ANKRD17: variants seen among roughly 807,000 people sequenced by gnomAD.
The protein encoded by ANKRD17 is ankyrin repeat domain-containing protein 17.
In ANKRD17, 19 loss-of-function variants were observed where a neutral mutation model predicts 229.7. That is an observed-to-expected ratio of 0.08 (90% CI 0.06 to 0.12). ANKRD17 has a LOEUF of 0.12. Ranked by LOEUF, ANKRD17 falls within the 10% of genes least tolerant of loss-of-function variation. The pLI is 1.00. For synonymous variants in ANKRD17, 1,112 were observed against 1,146.1 expected (o/e 0.97, Z 0.60); for missense variants, 2,176 against 3,176.8 (o/e 0.68, Z 7.57).
At position 73,258,432 on chromosome 4, in the gene ANKRD17, A is replaced by G; in HGVS notation, c.237T>C (p.Thr79=). The G allele has an allele frequency of 6.2e-7, 1 of 1,609,352 alleles. No individual in the cohort carries two copies. The highest frequency in any genetic ancestry group is 8.5e-7 in the Non-Finnish European group (1 of 1,178,988). ...QQHHKAKRNR[T]CRPPSSSESS... ...TTTCGCTGCTGCTGGGGGGTCGGCAAGTCCGGTTACGCTTGGCCTTGTGGT... is the reference window on the plus strand; with the variant it reads ...TTTCGCTGCTGCTGGGGGGTCGGCAGGTCCGGTTACGCTTGGCCTTGTGGT... Residue 79 remains threonine (T), a synonymous_variant, in exon 1 of 34, where the codon ACT becomes ACC. Coordinates refer to ENST00000358602, the MANE Select transcript of ANKRD17 (RefSeq NM_032217.5).
chr4:73,139,563 G>T lies in ANKRD17; in HGVS notation c.3053C>A (p.Thr1018Asn). The change falls in exon 15 of 34, where the codon ACC becomes AAC. Residue 1018 changes from threonine to asparagine, a missense_variant. Coordinates refer to ENST00000358602, the MANE Select transcript of ANKRD17 (RefSeq NM_032217.5). ...QGLMVASPAQ[T>N]LNDTLDDIMA... ...GATGTCATCCAGCGTGTCATTGAGGGTCTGAGCAGGGCTGGCTACCATTAA... is the reference window on the plus strand; with the variant it reads ...GATGTCATCCAGCGTGTCATTGAGGTTCTGAGCAGGGCTGGCTACCATTAA... The T allele has an allele frequency of 1.9e-6, 3 of 1,614,020 alleles. No homozygotes were observed. The highest frequency in any genetic ancestry group is 2.5e-6 in the Non-Finnish European group (3 of 1,179,924).
chr4:73,234,310 A>G (rs1267674757), intron 1 of ANKRD17, among the ~76,000 whole-genome samples: 1 of 152,222 alleles, frequency 6.6e-6, no homozygotes, highest in Non-Finnish European at 1.5e-5. Flanking sequence ...TTTAAATGCA[A>G]CTATGATTAA....
rs112097432 is a variant in ANKRD17, at chr4:73,212,863, CA to C, written c.394-35331del. Among the ~76,000 whole-genome samples, 853 of 129,618 alleles carry C rather than the reference CA, an allele frequency of 6.6e-3. 4 individuals are homozygous for C. The highest frequency in any genetic ancestry group is 0.016 in the African/African-American group (575 of 35,490). The allele number at this position is 129,618 out of a possible 152,430, so 85.0% of individuals were successfully genotyped here. On this transcript the variant is annotated intron_variant, in intron 1 of 33. Transcript: ENST00000358602. ...AAACCCCGTCTCTACTAAAAAAATACAAAAAAAAAAAAAATTAGCGCAGAGT... is the reference window on the plus strand; with the variant it reads ...AAACCCCGTCTCTACTAAAAAAATACAAAAAAAAAAAAATTAGCGCAGAGT...
At chr4:73,105,993 A>T (rs1296973228) in intron 24 of ANKRD17, among the ~76,000 whole-genome samples, 1 of 152,220 alleles carries the variant, frequency 6.6e-6, no homozygotes, top group East Asian at 1.9e-4. Context: ...CCAGAGGCAT[A>T]AGAAAATAAA....
At chr4:73,161,494 T>C (rs1419473489) in intron 2 of ANKRD17, 146 bp from the exon 3 acceptor site, 1 of 775,388 alleles carries the variant, frequency 1.3e-6, no homozygotes, top group Non-Finnish European at 2.0e-6. Context: ...CAGCATCTTT[T>C]GAGAAATCAC....
chr4:73,117,665 GATTT>G (rs1195242850), intron 22 of ANKRD17, among the ~76,000 whole-genome samples: 3 of 152,128 alleles, frequency 2.0e-5, no homozygotes, highest in Non-Finnish European at 2.9e-5. Context: ...AGCTTATTGT[GATTT>G]ATTTATTAAA....
At chr4:73,168,025 G>T (rs1272598572) in intron 2 of ANKRD17, among the ~76,000 whole-genome samples, 1 of 152,006 alleles carries the variant, frequency 6.6e-6, no homozygotes, top group South Asian at 2.1e-4. Flanking sequence ...GGTGGCAGAC[G>T]CCTGTAGTCC....
intron 1 of ANKRD17, among the ~76,000 whole-genome samples, chr4:73,255,024 T>A (rs771164469): frequency 1.3e-5 from 2 of 152,200 alleles, no homozygotes; most frequent in Non-Finnish European, 2.9e-5. Flanking sequence ...AAATTATGCA[T>A]TTTCAATTTT....
rs201666060 is a variant in ANKRD17 at position 73,078,875 on chromosome 4, G to A, written c.7175C>T (p.Ser2392Leu). 70 of 1,613,922 alleles carry A rather than the reference G, an allele frequency of 4.3e-5. No individual in the cohort carries two copies. The highest frequency in any genetic ancestry group is 1.6e-4 in the Middle Eastern group (1 of 6,080). ...SSASNDSSAQ[S>L]VSSGVRAPSP... ...TGGTGCACGAACTCCCGAGGATACT[G>A]ACTGTGCAGAAGAATCTAGAGAAGA... is the stretch of plus-strand genomic sequence containing the variant. Residue 2392 changes from serine to leucine, a missense_variant, in exon 31 of 34, where the codon TCA (serine) becomes TTA (leucine). Transcript: ENST00000358602.
At chr4:73,248,513 A>G (rs1036218636) in intron 1 of ANKRD17, among the ~76,000 whole-genome samples, 2 of 151,960 alleles carry the variant, frequency 1.3e-5, no homozygotes, top group African/African-American at 4.8e-5. Context: ...AAACCCTTAT[A>G]ATACCTAGGT....
In ANKRD17 at chr4:73,235,866, CTTTTT is replaced by C. The variant is rs529645343; in HGVS notation, c.393+22405_393+22409del. Among the ~76,000 whole-genome samples, 1,176 of 144,290 alleles carry C rather than the reference CTTTTT, an allele frequency of 8.2e-3. 4 individuals carry two copies. The highest frequency in any genetic ancestry group is 0.011 in the Non-Finnish European group (687 of 65,214). The allele number at this position is 144,290 out of a possible 152,430, so 94.7% of individuals were successfully genotyped here. A position where few individuals can be genotyped will look rare whatever the true frequency, so the allele number is the denominator to read the frequency against. ...GGTTCGTAATGATTTAAAATTTTTT[CTTTTT>C]TTTTTTGGTTTTAATAGAGACAGGG... On this transcript the variant is annotated intron_variant, in intron 1 of 33. Transcript: ENST00000358602.
Position 73,161,447 on chromosome 4 carries a change from C to A in ANKRD17, c.548-99G>T, listed in dbSNP as rs1170158834. On this transcript the variant is annotated intron_variant, in intron 2 of 33. Coordinates refer to ENST00000358602, the MANE Select transcript of ANKRD17 (RefSeq NM_032217.5). ...CTATACTGTGTATGTTAACAAATAA[C>A]CTCCAAATGGTAGAGTAGACATATA... 4.1e-6 allele frequency: 5 copies of A among 1,226,196 alleles called. No homozygotes were observed. In the East Asian group the frequency reaches 7.2e-5, roughly 18 times the overall value. 76.0% of individuals were successfully genotyped at this position (1,226,196 alleles called of 1,614,324 possible).
chr4:73,076,883 G>T, intron 33 of ANKRD17, 57 bp downstream of exon 33: 2 of 1,531,950 alleles, frequency 1.3e-6, no homozygotes, highest in East Asian at 2.3e-5. Context: ...AATCCTATTT[G>T]TCTTTGCATT....
chr4:73,257,890 A>G (rs1054543323), intron 1 of ANKRD17, among the ~76,000 whole-genome samples: 1 of 151,610 alleles, frequency 6.6e-6, no homozygotes, highest in Non-Finnish European at 1.5e-5. Context: ...TTTACCCATT[A>G]TTTTACTCCT....
At chr4:73,141,706 C>T in intron 14 of ANKRD17, 35 bp downstream of exon 14, 9 of 1,570,468 alleles carry the variant, frequency 5.7e-6, no homozygotes, top group Non-Finnish European at 7.9e-6. Flanking sequence ...TACCTGGACA[C>T]CAAGTAAGAA....
chr4:73,092,465 T>C (rs1722885296), intron 28 of ANKRD17, among the ~76,000 whole-genome samples, 165 bp from the exon 29 acceptor site: 1 of 152,210 alleles, frequency 6.6e-6, no homozygotes, highest in African/African-American at 2.4e-5. Context: ...AGCAATTTTC[T>C]TACCATTCCT....
At chr4:73,186,695 A>G (rs890710374) in intron 1 of ANKRD17, among the ~76,000 whole-genome samples, 1 of 152,202 alleles carries the variant, frequency 6.6e-6, no homozygotes, top group Non-Finnish European at 1.5e-5. Flanking sequence ...AAAATTTTTA[A>G]CATAAACTTT....
intron 1 of ANKRD17, among the ~76,000 whole-genome samples, chr4:73,251,582 C>A (rs1745033512): frequency 4.4e-5 from 1 of 22,730 alleles, no homozygotes. Context: ...TAGGTTACAC[C>A]ATGGATGTTG....
chr4:73,244,942 T>C (rs889486967), intron 1 of ANKRD17, among the ~76,000 whole-genome samples: 3 of 152,078 alleles, frequency 2.0e-5, no homozygotes, highest in Non-Finnish European at 2.9e-5. Context: ...ACTCGAAATA[T>C]GGTGTGTTGG....
Sources: allele counts gnomAD v4.1 joint callset (sites outside exome capture counted in the v4.1 genomes callset), GRCh38; gene constraint gnomAD v4.1.1; transcripts MANE v1.5; gene names NCBI Gene and HGNC (gene_info 2026-07-23, HGNC 2026-07-21).